Variants in PSD3 observed in about 807,000 individuals in gnomAD.
The protein encoded by PSD3 is pleckstrin and Sec7 domain containing 3.
A neutral mutation model predicts 105.5 loss-of-function variants in PSD3; 49 were observed. The ratio of observed to expected loss-of-function variants is 0.46; its 90% CI spans 0.37 to 0.59. The LOEUF (loss-of-function observed/expected upper bound fraction) is 0.59, where lower values mean the gene tolerates loss of function less well. PSD3 is among the 20% of genes least tolerant of loss of function. The pLI is 0.00. For missense variants in PSD3, 1,561 were observed against 1,263.8 expected, an observed-to-expected ratio of 1.24 and a Z score of -3.57; for synonymous variants, 557 against 457.8, an observed-to-expected ratio of 1.22 and a Z score of -2.77.
intron 9 of PSD3, among the ~76,000 whole-genome samples, chr8:18,726,073 G>A (rs927698390): frequency 6.6e-6 from 1 of 152,170 alleles, no homozygotes; most frequent in African/African-American, 2.4e-5. Flanking sequence ...GTTCATGGAC[G>A]TTATTGAAAG....
intron 8 of PSD3, among the ~76,000 whole-genome samples, chr8:18,770,521 A>C (rs149025493): frequency 3.9e-5 from 6 of 152,208 alleles, no homozygotes; most frequent in African/African-American, 1.4e-4. Flanking sequence ...TGAGCACTGG[A>C]GTCAGCCAAC....
rs149091129 is a variant in PSD3 at position 19,083,368 on chromosome 8, C to T, written c.324+838G>A. On this transcript the variant is annotated intron_variant, in intron 1 of 1. Transcript: ENST00000521475. The stretch of plus-strand genomic sequence containing the variant: ...CAACGGGAAGGCTGGGCCAGAAGTG[C>T]GGAGTGTGAGATGCTAACAACAAGG... Among the ~76,000 whole-genome samples the T allele has an allele frequency of 5.9e-5, 9 of 152,238 alleles. No homozygotes were observed. In the East Asian group the frequency reaches 9.6e-4, roughly 16 times the overall value.
chr8:18,529,230 C>T lies in PSD3; in HGVS notation c.*6513G>A, dbSNP rs1206727259. The stretch of plus-strand genomic sequence containing the variant: ...ACAAGAAAGAATGTGATATGGATCC[C>T]CTCATTTATGTGTTAAAAATATAAT... On this transcript the variant is annotated 3_prime_UTR_variant, in exon 16 of 16. Coordinates refer to ENST00000327040, the MANE Select transcript of PSD3 (RefSeq NM_015310.4). 2.0e-5 allele frequency: 3 copies of T among 152,114 alleles called. No homozygotes were observed. Among genetic ancestry groups the T allele is most frequent in the Non-Finnish European group, 2.9e-5 (2 of 68,028 alleles). The allele number at this position is 152,114 out of a possible 1,614,324, so 9.4% of individuals were successfully genotyped here. A position where few individuals can be genotyped will look rare whatever the true frequency, so the allele number is the denominator to read the frequency against.
intron 9 of PSD3, among the ~76,000 whole-genome samples, chr8:18,672,254 T>A (rs17695724): frequency 6.6e-6 from 1 of 152,006 alleles, no homozygotes. Context: ...TTATATTTAA[T>A]AACTATGGAC....
In PSD3 at chr8:18,678,804, C is replaced by T. The variant is rs541186144; in HGVS notation, c.2173-23119G>A. 2.7e-3 allele frequency among the ~76,000 whole-genome samples: 342 copies of T among 127,046 alleles called. 3 individuals carry two copies. The highest frequency in any genetic ancestry group is 8.5e-3 in the African/African-American group (325 of 38,432). 83.3% of individuals were successfully genotyped at this position (127,046 alleles called of 152,430 possible). ...TCCAGCCTGGGCAACAAAAGCAAAA[C>T]TCCGTCTCAAAAAAAAAAAAAAGTT... On this transcript the variant is annotated intron_variant, in intron 9 of 15. Coordinates refer to ENST00000327040, the MANE Select transcript of PSD3 (RefSeq NM_015310.4).
chr8:18,535,934 T>C lies in PSD3; in HGVS notation c.2953A>G (p.Ser985Gly). Residue 985 changes from serine to glycine, a missense_variant, in exon 16 of 16, where the codon AGC becomes GGC. Transcript: ENST00000327040. ...FEKTRYEMYV[S>G]ILKEGGKELL... ...TCTTTGCCTCCTTCCTTGAGAATGCTGACATACATTTCATAGCGGGTTTTC... is the reference window on the plus strand; with the variant it reads ...TCTTTGCCTCCTTCCTTGAGAATGCCGACATACATTTCATAGCGGGTTTTC... The C allele has an allele frequency of 6.2e-7, 1 of 1,614,192 alleles. No individual in the cohort carries two copies. Among genetic ancestry groups the C allele is most frequent in the Non-Finnish European group, 8.5e-7 (1 of 1,180,026 alleles).
chr8:18,986,217 C>T (rs1361702904), intron 1 of PSD3, among the ~76,000 whole-genome samples: 1 of 152,136 alleles, frequency 6.6e-6, no homozygotes, highest in Non-Finnish European at 1.5e-5. Flanking sequence ...GGAGAAACTG[C>T]ATTAATGAAT....
intron 2 of PSD3, among the ~76,000 whole-genome samples, chr8:18,877,243 A>G (rs111396178): frequency 0.01 from 1,594 of 152,296 alleles, 40 homozygotes; most frequent in African/African-American, 0.037. Flanking sequence ...CATTGTCTAA[A>G]CCAACGTCAC....
At chr8:18,537,296 A>G (rs1043182424) in intron 15 of PSD3, among the ~76,000 whole-genome samples, 26 of 152,338 alleles carry the variant, frequency 1.7e-4, no homozygotes, top group African/African-American at 5.3e-4. Context: ...TTCAAAGTCA[A>G]AGTAAGGAAG....
At chr8:19,031,928 T>A (rs1827785817) in intron 1 of PSD3, among the ~76,000 whole-genome samples, 1 of 152,210 alleles carries the variant, frequency 6.6e-6, no homozygotes. Flanking sequence ...AGAAACATCA[T>A]AATATTTTAC....
At chr8:18,621,018 A>T (rs6997298) in intron 11 of PSD3, among the ~76,000 whole-genome samples, 68,251 of 152,098 alleles carry the variant, frequency 0.45, 16,018 homozygotes, top group African/African-American at 0.59. Context: ...GTGAAAACTG[A>T]ACATTCCTCT....
At chr8:19,054,969 G>T (rs1828659577) in intron 1 of PSD3, among the ~76,000 whole-genome samples, 1 of 152,162 alleles carries the variant, frequency 6.6e-6, no homozygotes, top group Non-Finnish European at 1.5e-5. Flanking sequence ...AAGACTACCT[G>T]TTCACCCCTG....
At chr8:18,659,239 A>G (rs561031503) in intron 9 of PSD3, among the ~76,000 whole-genome samples, 14 of 152,310 alleles carry the variant, frequency 9.2e-5, no homozygotes, top group Middle Eastern at 3.4e-3. Flanking sequence ...AAATTAAACA[A>G]TAGAACAAAT....
chr8:18,796,289 A>G (rs1252100017), intron 8 of PSD3, among the ~76,000 whole-genome samples: 3 of 152,136 alleles, frequency 2.0e-5, no homozygotes, highest in Non-Finnish European at 4.4e-5. Flanking sequence ...CACCTCAGCA[A>G]CCTGCTACCA....
intron 12 of PSD3, among the ~76,000 whole-genome samples, chr8:18,586,370 A>G (rs994612458): frequency 2.0e-5 from 3 of 152,094 alleles, no homozygotes; most frequent in African/African-American, 7.2e-5. Flanking sequence ...AGCCTTTACT[A>G]TTACTCTCCA....
At chr8:18,865,313 G>T (rs1243936049) in intron 4 of PSD3, 7 of 68,412 alleles carry the variant, frequency 1.0e-4, no homozygotes, top group Non-Finnish European at 1.6e-4. Flanking sequence ...TTTTTTTAAA[G>T]GCTATCTGAG....
At chr8:18,685,244 A>C (rs1374282699) in intron 9 of PSD3, among the ~76,000 whole-genome samples, 2 of 152,142 alleles carry the variant, frequency 1.3e-5, no homozygotes, top group Admixed American at 6.5e-5. Context: ...TGAGATAATT[A>C]ATTTTTTAAA....
chr8:18,663,953 C>T (rs547891094), intron 9 of PSD3, among the ~76,000 whole-genome samples: 7 of 152,106 alleles, frequency 4.6e-5, no homozygotes, highest in Non-Finnish European at 7.4e-5. Context: ...ATTATATTTG[C>T]TATGGTAATC....
At chr8:18,595,222 C>T (rs1278463048) in intron 12 of PSD3, among the ~76,000 whole-genome samples, 1 of 69,038 alleles carries the variant, frequency 1.4e-5, no homozygotes. Flanking sequence ...AACAAACAAA[C>T]AAACAAAAAA....
Sources: allele counts gnomAD v4.1 joint callset (sites outside exome capture counted in the v4.1 genomes callset), GRCh38; gene constraint gnomAD v4.1.1; transcripts MANE v1.5; gene names NCBI Gene and HGNC (gene_info 2026-07-23, HGNC 2026-07-21).